Variants in STK32B observed in about 807,000 individuals in gnomAD.
STK32B encodes serine/threonine kinase 32B.
In STK32B, 43 loss-of-function variants were observed where a neutral mutation model predicts 52.6. That is an observed-to-expected ratio of 0.82 (90% CI 0.64 to 1.05). The LOEUF (loss-of-function observed/expected upper bound fraction) is 1.05. STK32B is among the 50% of genes least tolerant of loss of function. The pLI, the probability that STK32B is intolerant of heterozygous loss-of-function variation, is 0.00. For synonymous variants in STK32B, 238 were observed against 204.3 expected (o/e 1.17, Z -1.41); for missense variants, 621 against 534.6 (o/e 1.16, Z -1.59).
At position 5,500,640 on chromosome 4, in the gene STK32B, A is replaced by ATGGTT. The variant is rs1410064511; in HGVS notation, c.*1558_*1562dup. 6.6e-6 allele frequency: 1 copy of ATGGTT among 152,152 alleles called. No homozygotes were observed. Among genetic ancestry groups the ATGGTT allele is most frequent in the Non-Finnish European group, 1.5e-5 (1 of 68,020 alleles). The allele number at this position is 152,152 out of a possible 1,614,324, so 9.4% of individuals were successfully genotyped here. ...GATTTCTTAAAAGACATTTTAATGT[A>ATGGTT]TGGTTAGGTTTTATATTTTTATTTT... is the stretch of plus-strand genomic sequence containing the variant. On this transcript the variant is annotated 3_prime_UTR_variant, in exon 12 of 12. Transcript: ENST00000282908.
intron 3 of STK32B, among the ~76,000 whole-genome samples, chr4:5,312,984 G>C (rs1316782134): frequency 6.6e-6 from 1 of 151,908 alleles, no homozygotes; most frequent in Non-Finnish European, 1.5e-5. Context: ...TATGAAACTT[G>C]TATTATCCTG....
chr4:5,020,837 A>G, the STK32B span, among the ~76,000 whole-genome samples: 4 of 152,252 alleles, frequency 2.6e-5, no homozygotes, highest in Non-Finnish European at 5.9e-5. Context: ...CAGCCAGCCA[A>G]TGAAGTGAAT....
At chr4:5,477,109 C>G (rs1371682730) in intron 11 of STK32B, among the ~76,000 whole-genome samples, 3 of 152,158 alleles carry the variant, frequency 2.0e-5, no homozygotes, top group Non-Finnish European at 4.4e-5. Context: ...AATATACCTT[C>G]CAGGAACTTA....
chr4:5,188,722 C>T (rs1488485072), intron 3 of STK32B, among the ~76,000 whole-genome samples: 1 of 151,914 alleles, frequency 6.6e-6, no homozygotes, highest in Non-Finnish European at 1.5e-5. Flanking sequence ...CCCCTTTCTC[C>T]CCCTACACAC....
chr4:5,359,133 A>G (rs1421293176), intron 4 of STK32B, among the ~76,000 whole-genome samples: 1 of 152,214 alleles, frequency 6.6e-6, no homozygotes. Flanking sequence ...TGCCATAAGC[A>G]TTTTTGAAAC....
Position 5,446,739 on chromosome 4 carries a change from C to A in STK32B, c.629C>A (p.Ser210Tyr). 2 of 1,614,022 alleles carry A rather than the reference C, an allele frequency of 1.2e-6. No homozygotes were observed. Among genetic ancestry groups the A allele is most frequent in the Non-Finnish European group, 1.7e-6 (2 of 1,179,970 alleles). Residue 210 changes from serine (S) to tyrosine (Y), a missense_variant, in exon 7 of 12, where the codon TCC (serine) becomes TAC (tyrosine). Ser to Tyr is a moderately radical substitution (Grantham distance 144). Transcript: ENST00000282908. Reference sequence around the variant, plus strand: ...TACTCGTACCCTGTCGACTGGTGGTCCCTGGGCATCACAGCCTATGAGCTG... The same window carrying A: ...TACTCGTACCCTGTCGACTGGTGGTACCTGGGCATCACAGCCTATGAGCTG... ...PGYSYPVDWW[S>Y]LGITAYELLR...
chr4:5,273,066 G>T (rs1249806812), intron 3 of STK32B, among the ~76,000 whole-genome samples: 1 of 137,506 alleles, frequency 7.3e-6, no homozygotes, highest in Non-Finnish European at 1.6e-5. Context: ...CCTACAAAAT[G>T]GGAGAAAATT....
At chr4:5,361,631 G>A (rs1174808221) in intron 4 of STK32B, among the ~76,000 whole-genome samples, 1 of 152,230 alleles carries the variant, frequency 6.6e-6, no homozygotes, top group Admixed American at 6.5e-5. Context: ...CAATGGCATA[G>A]GCCATATTGC....
At chr4:5,235,079 T>C (rs1452018744) in intron 3 of STK32B, among the ~76,000 whole-genome samples, 4 of 152,210 alleles carry the variant, frequency 2.6e-5, no homozygotes, top group Non-Finnish European at 4.4e-5. Flanking sequence ...AGTCTTGCCA[T>C]TGAGTGGGAA....
At position 5,467,121 on chromosome 4, in the gene STK32B, G is replaced by A. The variant is rs1717502269; in HGVS notation, c.1041+287G>A. 1.5e-5 allele frequency among the ~76,000 whole-genome samples: 2 copies of A among 131,284 alleles called. No homozygotes were observed. Among genetic ancestry groups the A allele is most frequent in the African/African-American group, 5.3e-5 (2 of 38,088 alleles). The allele number at this position is 131,284 out of a possible 152,430, so 86.1% of individuals were successfully genotyped here. On this transcript the variant is annotated intron_variant, in intron 10 of 11. Transcript: ENST00000282908. The surrounding 1 kb of genome is among the most constrained non-coding windows in gnomAD (Gnocchi z 5.8). ...CCACTGCGCCCTTGAGAAAGATTTTGTACCGCAGAGGCCCCCAGGGCTGCA... is the reference window on the plus strand; with the variant it reads ...CCACTGCGCCCTTGAGAAAGATTTTATACCGCAGAGGCCCCCAGGGCTGCA...
In STK32B at chr4:5,311,915, T is replaced by TATATATATATATATATATATATATATATA. The variant is rs1228362253; in HGVS notation, c.261-19305_261-19304insATATATATATATATATATATATATATATA. Reference sequence around the variant, plus strand: ...AAGTGCATACTTTTATATATATATATTTTTTTTTAAAGTTTATTCTTATTT... The same window carrying TATATATATATATATATATATATATATATA: ...AAGTGCATACTTTTATATATATATATATATATATATATATATATATATATATATATTTTTTTTAAAGTTTATTCTTATTT... On this transcript the variant is annotated intron_variant, in intron 3 of 11. Coordinates refer to ENST00000282908, the MANE Select transcript of STK32B (RefSeq NM_018401.3). 1.8e-4 allele frequency among the ~76,000 whole-genome samples: 24 copies of TATATATATATATATATATATATATATATA among 135,452 alleles called. No individual in the cohort carries two copies. In the South Asian group the frequency reaches 2.6e-3, roughly 15 times the overall value. 88.9% of individuals were successfully genotyped at this position (135,452 alleles called of 152,430 possible). A position where few individuals can be genotyped will look rare whatever the true frequency, so the allele number is the denominator to read the frequency against.
intron 3 of STK32B, among the ~76,000 whole-genome samples, chr4:5,247,536 C>T (rs1039821881): frequency 6.6e-6 from 1 of 152,186 alleles, no homozygotes; most frequent in African/African-American, 2.4e-5. Flanking sequence ...GAGGCGATGC[C>T]TCGCCCTGCT....
chr4:5,361,224 G>T (rs1734527744), intron 4 of STK32B, among the ~76,000 whole-genome samples: 1 of 152,254 alleles, frequency 6.6e-6, no homozygotes, highest in South Asian at 2.1e-4. Flanking sequence ...GTTGGTCAAT[G>T]GACACTTGGC....
At chr4:5,136,205 T>G (rs561658309) in intron 1 of STK32B, among the ~76,000 whole-genome samples, 288 of 152,338 alleles carry the variant, frequency 1.9e-3, no homozygotes, top group Non-Finnish European at 3.4e-3. Context: ...AAGGGAGAAT[T>G]GAGCCTGGCT....
chr4:5,193,254 TG>T (rs1721374474), intron 3 of STK32B, among the ~76,000 whole-genome samples: 1 of 152,148 alleles, frequency 6.6e-6, no homozygotes, highest in Admixed American at 6.5e-5. Context: ...TCTGCAGGAC[TG>T]GGCCTCATCT....
chr4:5,051,645 C>T lies in STK32B; in HGVS notation c.-219C>T, dbSNP rs568045042. On this transcript the variant is annotated 5_prime_UTR_variant, in exon 1 of 12. Coordinates refer to ENST00000282908, the MANE Select transcript of STK32B (RefSeq NM_018401.3). Reference sequence around the variant, plus strand: ...CCGAGGCGGGGCACGGCGGAAGGCGCGGCGAGAGCGGGGTCCCTGCGAGCG... The same window carrying T: ...CCGAGGCGGGGCACGGCGGAAGGCGTGGCGAGAGCGGGGTCCCTGCGAGCG... 6 of 545,850 alleles carry T rather than the reference C, an allele frequency of 1.1e-5. No homozygotes were observed. The highest frequency in any genetic ancestry group is 1.9e-5 in the Non-Finnish European group (6 of 322,036). 33.8% of individuals were successfully genotyped at this position (545,850 alleles called of 1,614,324 possible). A position where few individuals can be genotyped will look rare whatever the true frequency, so the allele number is the denominator to read the frequency against.
chr4:5,108,652 C>T (rs1714237855), intron 1 of STK32B, among the ~76,000 whole-genome samples: 1 of 152,172 alleles, frequency 6.6e-6, no homozygotes, highest in African/African-American at 2.4e-5. Flanking sequence ...GAGGACTATT[C>T]ATATTTTCTA....
intron 3 of STK32B, among the ~76,000 whole-genome samples, chr4:5,238,826 G>A (rs914315534): frequency 6.6e-6 from 1 of 152,210 alleles, no homozygotes; most frequent in Non-Finnish European, 1.5e-5. Context: ...GCACAGATAA[G>A]CATATGCCAG....
chr4:5,258,626 T>C (rs923189055), intron 3 of STK32B, among the ~76,000 whole-genome samples: 7 of 152,144 alleles, frequency 4.6e-5, no homozygotes, highest in Admixed American at 4.6e-4. Context: ...CATGAAGAAA[T>C]CTTGTCTCCT....
Sources: allele counts gnomAD v4.1 joint callset (sites outside exome capture counted in the v4.1 genomes callset), GRCh38; gene constraint gnomAD v4.1.1; non-coding constraint Gnocchi (gnomAD v3.1); transcripts MANE v1.5; gene names NCBI Gene and HGNC (gene_info 2026-07-23, HGNC 2026-07-21).